The following NUP62 variants were observed in gnomAD, a reference collection of about 807,000 sequenced individuals.
NUP62 encodes nuclear pore glycoprotein p62.
For missense variants in NUP62, 647 were observed against 689.4 expected, an observed-to-expected ratio of 0.94 and a Z score of 0.69; for synonymous variants, 305 against 303.4, an observed-to-expected ratio of 1.01 and a Z score of -0.05.
chr19:49,907,927 A>G lies in NUP62; in HGVS notation c.*312T>C. ...GCCCCCACGACCCTGGCTGGGACCA[A>G]GACCATCAGCACTTCTCCATCACCA... On this transcript the variant is annotated 3_prime_UTR_variant, in exon 3 of 3. Coordinates refer to ENST00000352066, the MANE Select transcript of NUP62 (RefSeq NM_016553.5). 2.0e-6 allele frequency: 1 copy of G among 489,442 alleles called. No individual in the cohort carries two copies. Among genetic ancestry groups the G allele is most frequent in the East Asian group, 4.1e-5 (1 of 24,536 alleles). The allele number at this position is 489,442 out of a possible 1,614,324, so 30.3% of individuals were successfully genotyped here. A position where few individuals can be genotyped will look rare whatever the true frequency, so the allele number is the denominator to read the frequency against.
At chr19:49,922,419 G>C (rs565485735) in intron 2 of NUP62, among the ~76,000 whole-genome samples, 35 of 152,168 alleles carry the variant, frequency 2.3e-4, no homozygotes, top group Non-Finnish European at 1.5e-5. Flanking sequence ...CTGCTCCCCA[G>C]AAACACTGTC....
At chr19:49,925,153 C>T (rs571427378) in intron 2 of NUP62, among the ~76,000 whole-genome samples, 6 of 151,976 alleles carry the variant, frequency 3.9e-5, no homozygotes, top group East Asian at 3.9e-4. Flanking sequence ...CCTAGCTACT[C>T]GGGAGGCTGA....
intron 2 of NUP62, among the ~76,000 whole-genome samples, chr19:49,926,014 G>A (rs2075877581): frequency 6.6e-6 from 1 of 151,982 alleles, no homozygotes; most frequent in African/African-American, 2.4e-5. Flanking sequence ...TTCGAGACCA[G>A]CCTGACCAAC....
At chr19:49,914,498 C>T (rs566662170) in intron 2 of NUP62, among the ~76,000 whole-genome samples, 1 of 152,170 alleles carries the variant, frequency 6.6e-6, no homozygotes, top group South Asian at 2.1e-4. Flanking sequence ...CCCTTCCTGC[C>T]TGCCTGCCCC....
intron 1 of NUP62, chr19:49,929,111 G>C (rs1378043447): frequency 6.6e-6 from 1 of 152,286 alleles, no homozygotes; most frequent in African/African-American, 2.4e-5. Flanking sequence ...CTGCCTCCCG[G>C]TTGGGGCCGC....
chr19:49,923,524 C>T (rs889013310), intron 2 of NUP62, among the ~76,000 whole-genome samples: 6 of 152,170 alleles, frequency 3.9e-5, no homozygotes, highest in Non-Finnish European at 7.3e-5. Context: ...CAGAAGCAGG[C>T]GTGGCGAGAA....
At chr19:49,925,319 G>GGCTC (rs1437895143) in intron 2 of NUP62, among the ~76,000 whole-genome samples, 1 of 151,920 alleles carries the variant, frequency 6.6e-6, no homozygotes, top group Admixed American at 6.6e-5. Flanking sequence ...CGGGCACAGT[G>GGCTC]GCTCAGGCTT....
Position 49,908,039 on chromosome 19 carries a change from A to G in NUP62, c.*200T>C, listed in dbSNP as rs1002040433. 5 of 1,169,218 alleles carry G rather than the reference A, an allele frequency of 4.3e-6. No individual in the cohort carries two copies. The African/African-American group carries it at 7.7e-5, about 18-fold the overall frequency. The allele number at this position is 1,169,218 out of a possible 1,614,324, so 72.4% of individuals were successfully genotyped here. On this transcript the variant is annotated 3_prime_UTR_variant, in exon 3 of 3. Transcript: ENST00000352066. ...GAAAGCCACAGAAGCCACACCCATG[A>G]GGCTGCTGCCTGGGCAGAAGGCCCA... is the stretch of plus-strand genomic sequence containing the variant.
Position 49,908,671 on chromosome 19 carries a change from C to T in NUP62, c.1137G>A (p.Val379=), listed in dbSNP as rs997311237. 1.2e-6 allele frequency: 2 copies of T among 1,612,346 alleles called. No individual in the cohort carries two copies. Among genetic ancestry groups the T allele is most frequent in the Non-Finnish European group, 1.7e-6 (2 of 1,180,038 alleles). ...TCTTCTGGTCCAGCTTCACCTTCTC[C>T]ACCTCGCGGTGCAGGCTGGTGATCT... The part of the protein sequence containing the change: ...GEKITSLHRE[V]EKVKLDQKRL... Residue 379 remains valine (V), a synonymous_variant, in exon 3 of 3, where the codon GTG becomes GTA. Coordinates refer to ENST00000352066, the MANE Select transcript of NUP62 (RefSeq NM_016553.5).
Position 49,909,093 on chromosome 19 carries a change from G to C in NUP62, c.715C>G (p.Leu239Val). 3 of 1,612,596 alleles carry C rather than the reference G, an allele frequency of 1.9e-6. No individual in the cohort carries two copies. Among genetic ancestry groups the C allele is most frequent in the Non-Finnish European group, 2.5e-6 (3 of 1,180,032 alleles). ...PTSSATTGLS[L>V]CTPVTTAGAP... is the part of the protein sequence containing the mutation. The stretch of plus-strand genomic sequence containing the variant: ...CCCGCTGTGGTCACAGGGGTACAGA[G>C]GGAGAGTCCAGTGGTGGCAGATGAG... The change falls in exon 3 of 3, where the codon CTC becomes GTC. Residue 239 changes from leucine to valine, a missense_variant. Transcript: ENST00000352066.
chr19:49,909,838 T>G lies in NUP62; in HGVS notation c.-31A>C, dbSNP rs749975752. 8.7e-6 allele frequency: 14 copies of G among 1,611,256 alleles called. No individual in the cohort carries two copies. Among genetic ancestry groups the G allele is most frequent in the Non-Finnish European group, 1.2e-5 (14 of 1,178,188 alleles). On this transcript the variant is annotated 5_prime_UTR_variant, in exon 3 of 3. Coordinates refer to ENST00000352066, the MANE Select transcript of NUP62 (RefSeq NM_016553.5). ...CGGACTCTGGTGGCGGCAGCTACTC[T>G]GGCTCCCAAAGCAAATCCGTCGGTG... is the stretch of plus-strand genomic sequence containing the variant.
intron 2 of NUP62, among the ~76,000 whole-genome samples, chr19:49,920,274 G>A (rs1415801173): frequency 1.3e-5 from 2 of 152,162 alleles, no homozygotes; most frequent in Middle Eastern, 3.2e-3. Flanking sequence ...GTAGAGACGG[G>A]GTTTCGCCAT....
In NUP62 at chr19:49,908,289, C is replaced by T. The variant is rs1389217785; in HGVS notation, c.1519G>A (p.Glu507Lys). ...CGCTCCTGCTCCTTGCGCCGGCCCT[C>T]GCACACCTTGGTCACCTCCTCCACC... ...RKVEEVTKVC[E>K]GRRKEQERSF... is the part of the protein sequence containing the mutation. Residue 507 changes from glutamate (E) to lysine (K), a missense_variant, in exon 3 of 3, where the codon GAG becomes AAG. Transcript: ENST00000352066. 8 of 1,613,874 alleles carry T rather than the reference C, an allele frequency of 5.0e-6. No homozygotes were observed. Among genetic ancestry groups the T allele is most frequent in the Admixed American group, 1.7e-5 (1 of 60,000 alleles).
At chr19:49,916,294 G>T (rs1302775926) in intron 2 of NUP62, among the ~76,000 whole-genome samples, 1 of 152,096 alleles carries the variant, frequency 6.6e-6, no homozygotes. Context: ...GGCTGAGGTG[G>T]GTGGATCACC....
chr19:49,909,643 A>G lies in NUP62; in HGVS notation c.165T>C (p.Pro55=), dbSNP rs748963129. 3 of 1,614,042 alleles carry G rather than the reference A, an allele frequency of 1.9e-6. No individual in the cohort carries two copies. The highest frequency in any genetic ancestry group is 2.5e-6 in the Non-Finnish European group (3 of 1,180,040). ...TGGCAAGTGAGAACAGGCCGGTGGA[A>G]GGGGTACTTGTGGCTGGTTGGAAGG... is the stretch of plus-strand genomic sequence containing the variant. The part of the protein sequence containing the change: ...GAPFQPATST[P]STGLFSLATQ... Residue 55 remains proline, a synonymous_variant, in exon 3 of 3, where the codon CCT becomes CCC. Coordinates refer to ENST00000352066, the MANE Select transcript of NUP62 (RefSeq NM_016553.5).
intron 2 of NUP62, among the ~76,000 whole-genome samples, chr19:49,925,498 G>C (rs551755438): frequency 1.6e-4 from 24 of 148,712 alleles, no homozygotes; most frequent in Non-Finnish European, 4.4e-5. Flanking sequence ...TCAATATCCC[G>C]CAATCCCAGT....
chr19:49,908,048 C>G lies in NUP62; in HGVS notation c.*191G>C, dbSNP rs1255906795. 1.6e-6 allele frequency: 2 copies of G among 1,260,258 alleles called. No individual in the cohort carries two copies. Among genetic ancestry groups the G allele is most frequent in the Non-Finnish European group, 2.1e-6 (2 of 939,176 alleles). 78.1% of individuals were successfully genotyped at this position (1,260,258 alleles called of 1,614,324 possible). ...AGAAGCCACACCCATGAGGCTGCTG[C>G]CTGGGCAGAAGGCCCAGAATACCCT... On this transcript the variant is annotated 3_prime_UTR_variant, in exon 3 of 3. Transcript: ENST00000352066.
At chr19:49,918,151 C>T (rs993381835) in intron 2 of NUP62, among the ~76,000 whole-genome samples, 6 of 151,790 alleles carry the variant, frequency 4.0e-5, no homozygotes, top group African/African-American at 9.7e-5. Flanking sequence ...ACTGCAGCCT[C>T]GACTTTCTGG....
chr19:49,922,044 AAC>A (rs1177007667), intron 2 of NUP62, among the ~76,000 whole-genome samples: 6 of 152,324 alleles, frequency 3.9e-5, no homozygotes, highest in Non-Finnish European at 8.8e-5. Context: ...ATCACGCCTC[AAC>A]ACAGACAACA....
Sources: allele counts gnomAD v4.1 joint callset (sites outside exome capture counted in the v4.1 genomes callset), GRCh38; gene constraint gnomAD v4.1.1; transcripts MANE v1.5; gene names NCBI Gene and HGNC (gene_info 2026-07-23, HGNC 2026-07-21).